Variants in SUPT3H observed in about 807,000 individuals in gnomAD.
SUPT3H encodes the protein SPT3 homolog, SAGA and STAGA complex component.
Under a neutral mutation model 44.3 loss-of-function variants are expected in SUPT3H, and 44 were observed. That is an observed-to-expected ratio of 0.99 (90% CI 0.78 to 1.28). SUPT3H has a LOEUF of 1.28. Ranked by LOEUF, SUPT3H falls within the 50% of genes most tolerant of loss-of-function variation. SUPT3H has a pLI of 0.00. For missense variants in SUPT3H, 380 were observed against 387.1 expected (o/e 0.98, Z 0.15); for synonymous variants, 124 against 125.6 (o/e 0.99, Z 0.09).
At chr6:45,102,760 G>A (rs145465096) in intron 3 of SUPT3H, among the ~76,000 whole-genome samples, 2 of 152,066 alleles carry the variant, frequency 1.3e-5, no homozygotes, top group African/African-American at 4.8e-5. Flanking sequence ...GGCCAATATG[G>A]TGAAACCTTG....
intron 3 of SUPT3H, 123 bp downstream of exon 3, chr6:45,105,799 A>G: frequency 1.5e-6 from 1 of 683,100 alleles, no homozygotes. Context: ...TATAAAGTAT[A>G]CTTCAATAAT....
intron 2 of SUPT3H, among the ~76,000 whole-genome samples, chr6:45,149,821 C>T (rs534517985): frequency 9.9e-5 from 15 of 152,246 alleles, no homozygotes; most frequent in Non-Finnish European, 1.6e-4. Context: ...ATTAGCATAT[C>T]TAAGTAAAAT....
chr6:45,165,163 C>A (rs189601086), intron 2 of SUPT3H, among the ~76,000 whole-genome samples: 362 of 152,276 alleles, frequency 2.4e-3, no homozygotes, highest in African/African-American at 8.1e-3. Context: ...AATTCCCTGT[C>A]TGTGGTGCAA....
chr6:44,909,521 G>A (rs1328869148), intron 10 of SUPT3H, among the ~76,000 whole-genome samples: 2 of 152,264 alleles, frequency 1.3e-5, no homozygotes, highest in East Asian at 3.9e-4. Context: ...AAAATGCTCA[G>A]ATTAAGTCTT....
At chr6:45,243,828 C>G (rs1770840396) in intron 2 of SUPT3H, among the ~76,000 whole-genome samples, 1 of 152,088 alleles carries the variant, frequency 6.6e-6, no homozygotes, top group South Asian at 2.1e-4. Context: ...CTGTATTTCC[C>G]CTGTATCAGA....
intron 9 of SUPT3H, among the ~76,000 whole-genome samples, chr6:44,937,372 TAATCCCAGC>T (rs910418260): frequency 1.4e-4 from 22 of 152,108 alleles, no homozygotes; most frequent in African/African-American, 5.3e-4. Context: ...CACTTGCCTG[TAATCCCAGC>T]TACTCGGGAG....
intron 10 of SUPT3H, among the ~76,000 whole-genome samples, chr6:44,903,188 G>A (rs1765392792): frequency 6.6e-6 from 1 of 151,856 alleles, no homozygotes; most frequent in Admixed American, 6.6e-5. Flanking sequence ...ATCAGAGCAG[G>A]ACTGAAGGAG....
chr6:45,204,472 T>C (rs906875919), intron 2 of SUPT3H, among the ~76,000 whole-genome samples: 1 of 152,150 alleles, frequency 6.6e-6, no homozygotes, highest in Non-Finnish European at 1.5e-5. Flanking sequence ...AAGAATCTAC[T>C]TTGGTGATTT....
At chr6:45,146,822 C>T (rs932219397) in intron 2 of SUPT3H, among the ~76,000 whole-genome samples, 1 of 151,948 alleles carries the variant, frequency 6.6e-6, no homozygotes, top group African/African-American at 2.4e-5. Context: ...AGAAGCAGCA[C>T]ATCATAAGTA....
chr6:44,973,153 T>C (rs1011401552), intron 6 of SUPT3H, among the ~76,000 whole-genome samples: 1 of 152,202 alleles, frequency 6.6e-6, no homozygotes, highest in African/African-American at 2.4e-5. Context: ...AATTCCAAAG[T>C]GTCTCTGTAA....
At chr6:45,118,330 A>G (rs1801126521) in intron 2 of SUPT3H, among the ~76,000 whole-genome samples, 2 of 152,148 alleles carry the variant, frequency 1.3e-5, no homozygotes, top group South Asian at 4.1e-4. Context: ...TCATAGGTAC[A>G]AGCTCTGTGG....
intron 6 of SUPT3H, among the ~76,000 whole-genome samples, chr6:45,002,570 A>T (rs1465753712): frequency 2.6e-5 from 4 of 152,114 alleles, no homozygotes; most frequent in African/African-American, 9.7e-5. Flanking sequence ...CTGTTTGGGC[A>T]ATGATGACAT....
At chr6:44,811,546 G>A (rs1333477728) in intron 11 of SUPT3H, among the ~76,000 whole-genome samples, 3 of 152,194 alleles carry the variant, frequency 2.0e-5, no homozygotes, top group Non-Finnish European at 4.4e-5. Flanking sequence ...TGGCCAAAAG[G>A]GAAATGTATG....
intron 2 of SUPT3H, among the ~76,000 whole-genome samples, chr6:45,351,341 A>G (rs1008069069): frequency 5.9e-5 from 9 of 152,094 alleles, no homozygotes; most frequent in Admixed American, 4.6e-4. Context: ...TAAATTCAAC[A>G]CCTACCAGGC....
At chr6:45,107,513 GA>G (rs1409087056) in intron 2 of SUPT3H, among the ~76,000 whole-genome samples, 1 of 151,938 alleles carries the variant, frequency 6.6e-6, no homozygotes. Flanking sequence ...AGTAGGAGAG[GA>G]AAAAAATCTT....
chr6:45,003,702 G>A lies in SUPT3H; in HGVS notation c.455C>T (p.Ala152Val), dbSNP rs1782319393. Residue 152 changes from alanine to valine, a missense_variant, in exon 6 of 11, where the codon GCA (alanine) becomes GTA (valine). Physicochemically the swap from Ala to Val is moderately conservative, Grantham distance 64. Coordinates refer to ENST00000371459, the MANE Select transcript of SUPT3H (RefSeq NM_003599.4). The part of the protein sequence containing the change: ...NSIDQTGELL[A>V]MFEDDEIDEV... ...ATCAATTTCGTCATCTTCAAACATTGCTAAAAGTTCTCCTGTCTGGTCAAT... is the reference window on the plus strand; with the variant it reads ...ATCAATTTCGTCATCTTCAAACATTACTAAAAGTTCTCCTGTCTGGTCAAT... The A allele has an allele frequency of 6.2e-7, 1 of 1,613,754 alleles. No homozygotes were observed. The highest frequency in any genetic ancestry group is 8.5e-7 in the Non-Finnish European group (1 of 1,179,828).
chr6:44,903,356 C>T (rs1478325534), intron 10 of SUPT3H, among the ~76,000 whole-genome samples: 5 of 149,606 alleles, frequency 3.3e-5, no homozygotes, highest in Admixed American at 1.3e-4. Context: ...GATATTACCA[C>T]TGATCCCACA....
At chr6:45,042,053 T>C (rs1788614526) in intron 3 of SUPT3H, among the ~76,000 whole-genome samples, 1 of 152,158 alleles carries the variant, frequency 6.6e-6, no homozygotes, top group African/African-American at 2.4e-5. Flanking sequence ...ACAGATACAG[T>C]ATGGCATAGA....
At chr6:44,881,735 T>G (rs1778253187) in intron 10 of SUPT3H, among the ~76,000 whole-genome samples, 1 of 152,148 alleles carries the variant, frequency 6.6e-6, no homozygotes, top group South Asian at 2.1e-4. Flanking sequence ...AGAAACTCAC[T>G]AAAAACTGCA....
Sources: allele counts gnomAD v4.1 joint callset (sites outside exome capture counted in the v4.1 genomes callset), GRCh38; gene constraint gnomAD v4.1.1; transcripts MANE v1.5; gene names NCBI Gene and HGNC (gene_info 2026-07-23, HGNC 2026-07-21).